The following JKAMP variants were observed in gnomAD, a reference collection of about 807,000 sequenced individuals.
The protein encoded by JKAMP is JNK1/MAPK8-associated membrane protein.
JKAMP carries 20 observed loss-of-function variants against 40.2 expected under a neutral mutation model. The observed-to-expected ratio is 0.50, with a 90% CI of 0.35 to 0.72. The LOEUF is 0.72. Ranked by LOEUF, JKAMP falls within the 30% of genes least tolerant of loss-of-function variation. The pLI is 0.01. For synonymous variants in JKAMP, 138 were observed against 131.6 expected (o/e 1.05, Z -0.33); for missense variants, 276 against 373.0 (o/e 0.74, Z 2.14).
At chr14:59,486,984 T>G (rs1405461912) in intron 2 of JKAMP, among the ~76,000 whole-genome samples, 180 bp downstream of exon 2, 5 of 152,158 alleles carry the variant, frequency 3.3e-5, no homozygotes, top group Non-Finnish European at 7.3e-5. Flanking sequence ...GTAGATCACT[T>G]GAGGTCAGGA....
rs950376987 is a variant in JKAMP at position 59,504,270 on chromosome 14, A to G, written c.*198A>G. 1.7e-6 allele frequency: 1 copy of G among 580,348 alleles called. No individual in the cohort carries two copies. The highest frequency in any genetic ancestry group is 3.0e-6 in the Non-Finnish European group (1 of 327,952). 35.9% of individuals were successfully genotyped at this position (580,348 alleles called of 1,614,324 possible). ...ATGCAAAACTCTGTAATACTCTGTT[A>G]CACAGGGTAATATTATCTGCTACAC... is the stretch of plus-strand genomic sequence containing the variant. On this transcript the variant is annotated 3_prime_UTR_variant, in exon 7 of 7. Transcript: ENST00000616435.
intron 6 of JKAMP, among the ~76,000 whole-genome samples, chr14:59,501,481 TC>T (rs1257314547): frequency 6.6e-6 from 1 of 152,202 alleles, no homozygotes; most frequent in Non-Finnish European, 1.5e-5. Context: ...AGTGAAGTAG[TC>T]AGGCCCAACT....
At position 59,502,755 on chromosome 14, in the gene JKAMP, T is replaced by TGTTTTTTTTTCTTTTTTTTTG. The variant is rs67189643; in HGVS notation, c.718-1099_718-1098insGTTTTTTTTTCTTTTTTTTTG. On this transcript the variant is annotated intron_variant, in intron 6 of 6. Transcript: ENST00000616435. ...GGATATTTGAATAAAATGAGATTTTTTTTTTTTTTTTTTTTTTTCGGAGTC... is the reference window on the plus strand; with the variant it reads ...GGATATTTGAATAAAATGAGATTTTTGTTTTTTTTTCTTTTTTTTTGTTTTTTTTTTTTTTTTTTCGGAGTC... 9.8e-5 allele frequency among the ~76,000 whole-genome samples: 12 copies of TGTTTTTTTTTCTTTTTTTTTG among 122,900 alleles called. 4 individuals are homozygous for TGTTTTTTTTTCTTTTTTTTTG. The highest frequency in any genetic ancestry group is 6.6e-5 in the Non-Finnish European group (4 of 60,776). 80.6% of individuals were successfully genotyped at this position (122,900 alleles called of 152,430 possible). A position where few individuals can be genotyped will look rare whatever the true frequency, so the allele number is the denominator to read the frequency against.
chr14:59,491,547 GT>G (rs1891006084), intron 3 of JKAMP, among the ~76,000 whole-genome samples: 1 of 152,184 alleles, frequency 6.6e-6, no homozygotes, highest in Non-Finnish European at 1.5e-5. Flanking sequence ...GTGAATGTGT[GT>G]TTATGTTTTC....
intron 2 of JKAMP, 62 bp from the exon 3 acceptor site, chr14:59,487,612 G>T: frequency 8.3e-7 from 1 of 1,212,090 alleles, no homozygotes; most frequent in Non-Finnish European, 1.2e-6. Context: ...AGAATGATTT[G>T]GGGGGGTGTT....
At chr14:59,498,135 A>G (rs1891587122) in intron 4 of JKAMP, among the ~76,000 whole-genome samples, 1 of 152,192 alleles carries the variant, frequency 6.6e-6, no homozygotes, top group Non-Finnish European at 1.5e-5. Flanking sequence ...GTTCCTTGAG[A>G]TGATTCTGCT....
At chr14:59,485,347 AT>A (rs765133168) in intron 1 of JKAMP, 55 of 432,644 alleles carry the variant, frequency 1.3e-4, no homozygotes, top group Non-Finnish European at 2.1e-4. Flanking sequence ...TACAAAAAAA[AT>A]AAGCGCCCAT....
In JKAMP at chr14:59,495,224, TGTAA is replaced by T. The variant is rs746127434; in HGVS notation, c.458+3_458+6del. The T allele has an allele frequency of 5.7e-6, 9 of 1,591,122 alleles. No homozygotes were observed. Among genetic ancestry groups the T allele is most frequent in the South Asian group, 2.2e-5 (2 of 90,418 alleles). On this transcript the variant is annotated splice_donor_variant and splice_donor_region_variant and intron_variant, in intron 4 of 6. Coordinates refer to ENST00000616435, the MANE Select transcript of JKAMP (RefSeq NM_016475.5). LOFTEE classifies it high-confidence loss of function. The stretch of plus-strand genomic sequence containing the variant: ...TGTACTCATGAAGCCGTCTACCCAC[TGTAA>T]GTGTTTATTTCGACTTAAGATCATT...
At position 59,498,799 on chromosome 14, in the gene JKAMP, G is replaced by A. The variant is rs369369896; in HGVS notation, c.531G>A (p.Lys177=). 702 of 1,609,974 alleles carry A rather than the reference G, an allele frequency of 4.4e-4. No homozygotes were observed. Among genetic ancestry groups the A allele is most frequent in the Non-Finnish European group, 5.7e-4 (669 of 1,176,716 alleles). ...LMMLLRPLLV[K]KIACGLGKSD... ...TGCTGCTCCGACCTCTTCTGGTGAA[G>A]AAGATTGCATGTGGGTTAGGGAAAT... The change falls in exon 5 of 7, where the codon AAG becomes AAA. Residue 177 remains lysine, a synonymous_variant. Coordinates refer to ENST00000616435, the MANE Select transcript of JKAMP (RefSeq NM_016475.5).
At chr14:59,492,852 C>T (rs1352356541) in intron 3 of JKAMP, among the ~76,000 whole-genome samples, 6 of 144,040 alleles carry the variant, frequency 4.2e-5, no homozygotes, top group East Asian at 4.1e-4. Context: ...GGCTGGAGTG[C>T]GGTGGTGCGA....
rs943373208 is a variant in JKAMP at position 59,505,147 on chromosome 14, CTTCTA to C, written c.*1078_*1082del. The C allele has an allele frequency of 9.3e-6, 5 of 537,648 alleles. No individual in the cohort carries two copies. Among genetic ancestry groups the C allele is most frequent in the Non-Finnish European group, 1.2e-5 (4 of 322,280 alleles). 33.3% of individuals were successfully genotyped at this position (537,648 alleles called of 1,614,324 possible). A position where few individuals can be genotyped will look rare whatever the true frequency, so the allele number is the denominator to read the frequency against. On this transcript the variant is annotated 3_prime_UTR_variant, in exon 7 of 7. Coordinates refer to ENST00000616435, the MANE Select transcript of JKAMP (RefSeq NM_016475.5). ...TTAGTTAAATTTTAAATGTTTAAGACTTCTATTAACAGCTGCAAAATATGAAAGTA... is the reference window on the plus strand; with the variant it reads ...TTAGTTAAATTTTAAATGTTTAAGACTTAACAGCTGCAAAATATGAAAGTA...
chr14:59,485,025 C>CA (rs780621263), intron 1 of JKAMP: 45 of 1,597,222 alleles, frequency 2.8e-5, no homozygotes, highest in South Asian at 9.9e-5. Context: ...AGGACCGCTG[C>CA]AAAAAAATGG....
rs1349945105 is a variant in JKAMP at position 59,503,953 on chromosome 14, A to G, written c.817A>G (p.Lys273Glu). 2.1e-5 allele frequency: 34 copies of G among 1,613,630 alleles called. No homozygotes were observed. Among genetic ancestry groups the G allele is most frequent in the Non-Finnish European group, 2.6e-5 (31 of 1,179,564 alleles). ...YGIISISRVD[K>E]LEQDLPLLAL... ...AATAATCTCCATTTCCAGAGTGGAT[A>G]AACTTGAGCAAGATTTGCCCCTTTT... Residue 273 changes from lysine to glutamate, a missense_variant, in exon 7 of 7, where the codon AAA becomes GAA. By Grantham distance (56) the Lys-to-Glu change is moderately conservative (BLOSUM62 1). Transcript: ENST00000616435.
chr14:59,497,295 T>C (rs1371230480), intron 4 of JKAMP, among the ~76,000 whole-genome samples: 4 of 152,198 alleles, frequency 2.6e-5, no homozygotes, highest in Non-Finnish European at 4.4e-5. Context: ...ATTACTCTTA[T>C]AGCAGGAATT....
In JKAMP at chr14:59,501,094, G is replaced by A. The variant is rs74059521; in HGVS notation, c.641-97G>A. 5.3e-3 allele frequency: 4,052 copies of A among 768,876 alleles called. 111 individuals carry two copies. In the African/African-American group the frequency reaches 0.064, roughly 12 times the overall value. 47.6% of individuals were successfully genotyped at this position (768,876 alleles called of 1,614,324 possible). A position where few individuals can be genotyped will look rare whatever the true frequency, so the allele number is the denominator to read the frequency against. ...AGTCTCACAGAACTGGTTGAGAAAG[G>A]ATTTGACTCTAAGGAAAATTACTAT... On this transcript the variant is annotated intron_variant, in intron 5 of 6. Coordinates refer to ENST00000616435, the MANE Select transcript of JKAMP (RefSeq NM_016475.5).
At chr14:59,485,127 G>A in intron 1 of JKAMP, 1 of 1,598,158 alleles carries the variant, frequency 6.3e-7, no homozygotes, top group Non-Finnish European at 8.5e-7. Context: ...GTAAGTGATA[G>A]GCTGTTTATT....
At chr14:59,499,599 C>T (rs1428021550) in intron 5 of JKAMP, among the ~76,000 whole-genome samples, 2 of 152,064 alleles carry the variant, frequency 1.3e-5, no homozygotes, top group Admixed American at 1.3e-4. Flanking sequence ...AGTAGGCAAG[C>T]CAGTGGCTGA....
At chr14:59,495,510 T>TA (rs762527037) in intron 4 of JKAMP, among the ~76,000 whole-genome samples, 7 of 152,208 alleles carry the variant, frequency 4.6e-5, no homozygotes, top group Non-Finnish European at 1.0e-4. Context: ...ATGGCATTAT[T>TA]ACAGTGTTTG....
intron 3 of JKAMP, among the ~76,000 whole-genome samples, chr14:59,491,104 A>G (rs549151100): frequency 6.6e-6 from 1 of 152,340 alleles, no homozygotes; most frequent in East Asian, 1.9e-4. Context: ...TACAGTCCAG[A>G]TAGATGGGGG....
Sources: gnomAD v4.1 joint callset for allele counts (sites outside exome capture counted in the v4.1 genomes callset) on GRCh38, gnomAD v4.1.1 for gene constraint, MANE v1.5 for transcripts, NCBI Gene and HGNC (gene_info 2026-07-23, HGNC 2026-07-21) for gene names.